SIPA1L1: variants seen among roughly 807,000 people sequenced by gnomAD.
SIPA1L1 encodes signal-induced proliferation-associated 1-like protein 1.
SIPA1L1 carries 26 observed loss-of-function variants against 162.7 expected under a neutral mutation model. That is an observed-to-expected ratio of 0.16 (90% CI 0.12 to 0.22). SIPA1L1 has a LOEUF of 0.22. SIPA1L1 is among the 10% of genes least tolerant of loss of function. SIPA1L1 has a pLI of 1.00. For synonymous variants in SIPA1L1, 829 were observed against 837.4 expected (o/e 0.99, Z 0.17); for missense variants, 1,874 against 2,241.0 (o/e 0.84, Z 3.31).
intron 4 of SIPA1L1, among the ~76,000 whole-genome samples, chr14:71,557,120 C>A (rs1412819840): frequency 6.6e-6 from 1 of 152,206 alleles, no homozygotes; most frequent in South Asian, 2.1e-4. Context: ...ATTAATACTT[C>A]TTTTCCCATT....
chr14:71,499,644 A>G (rs1213899757), intron 2 of SIPA1L1, among the ~76,000 whole-genome samples: 1 of 152,184 alleles, frequency 6.6e-6, no homozygotes, highest in African/African-American at 2.4e-5. Context: ...TAGCAATAGA[A>G]ATTAGCAAAA....
chr14:71,357,994 A>G (rs1004593920), intron 2 of SIPA1L1, among the ~76,000 whole-genome samples: 1 of 152,150 alleles, frequency 6.6e-6, no homozygotes, highest in Non-Finnish European at 1.5e-5. Flanking sequence ...GGCCTCCCAA[A>G]GTACTGGGCC....
intron 7 of SIPA1L1, among the ~76,000 whole-genome samples, chr14:71,645,179 C>T (rs980757725): frequency 1.1e-4 from 16 of 152,310 alleles, no homozygotes; most frequent in African/African-American, 3.8e-4. Flanking sequence ...ATTGTCTTTT[C>T]TCTTTTGTCT....
chr14:71,734,902 T>G (rs1370755646), intron 21 of SIPA1L1, among the ~76,000 whole-genome samples: 1 of 152,198 alleles, frequency 6.6e-6, no homozygotes, highest in African/African-American at 2.4e-5. Context: ...AAAACATACT[T>G]CAAGAAGTTT....
At position 71,705,356 on chromosome 14, in the gene SIPA1L1, A is replaced by G; in HGVS notation, c.3765+16A>G. ...ACAAGGGCATGTAAGTTAACTGTAAACTTAAAAAAGTATTAGATTCCTAGC... is the reference window on the plus strand; with the variant it reads ...ACAAGGGCATGTAAGTTAACTGTAAGCTTAAAAAAGTATTAGATTCCTAGC... On this transcript the variant is annotated intron_variant, in intron 16 of 23. Coordinates refer to ENST00000381232, the MANE Select transcript of SIPA1L1 (RefSeq NM_001386936.1). The G allele has an allele frequency of 1.9e-6, 3 of 1,571,208 alleles. No homozygotes were observed. The South Asian group carries it at 3.3e-5, about 17-fold the overall frequency.
At chr14:71,693,498 CA>C (rs553158199) in intron 13 of SIPA1L1, among the ~76,000 whole-genome samples, 217 of 145,308 alleles carry the variant, frequency 1.5e-3, no homozygotes, top group Non-Finnish European at 2.6e-3. Context: ...GACTCCGTCT[CA>C]AAAAAAAAAG....
intron 7 of SIPA1L1, among the ~76,000 whole-genome samples, chr14:71,646,095 A>G (rs998188789): frequency 3.9e-5 from 6 of 152,144 alleles, no homozygotes; most frequent in Non-Finnish European, 8.8e-5. Context: ...TTCTTCTGGT[A>G]CAGGGCTGTG....
chr14:71,486,313 A>G (rs1468531223), intron 2 of SIPA1L1, among the ~76,000 whole-genome samples: 1 of 152,258 alleles, frequency 6.6e-6, no homozygotes, highest in Non-Finnish European at 1.5e-5. Flanking sequence ...GTTTCTATCA[A>G]GTCATCAGGA....
chr14:71,662,733 T>G (rs948193827), intron 10 of SIPA1L1, among the ~76,000 whole-genome samples: 1 of 152,210 alleles, frequency 6.6e-6, no homozygotes. Flanking sequence ...GTCTGTAGTT[T>G]CCTAGGGTTG....
intron 12 of SIPA1L1, among the ~76,000 whole-genome samples, chr14:71,675,091 A>G (rs906047468): frequency 2.0e-5 from 3 of 152,224 alleles, no homozygotes; most frequent in African/African-American, 7.2e-5. Flanking sequence ...TCTATGGTGC[A>G]GATACTCCCA....
At chr14:71,446,760 G>A (rs973867506) in intron 2 of SIPA1L1, among the ~76,000 whole-genome samples, 9 of 151,884 alleles carry the variant, frequency 5.9e-5, no homozygotes, top group Admixed American at 2.0e-4. Flanking sequence ...TTCTGTTGCA[G>A]TCCCAAATTC....
intron 4 of SIPA1L1, among the ~76,000 whole-genome samples, chr14:71,544,206 C>T (rs1191320179): frequency 7.0e-6 from 1 of 143,154 alleles, no homozygotes; most frequent in East Asian, 2.0e-4. Context: ...TGCATGTATG[C>T]ACATGCATGT....
chr14:71,337,229 C>T (rs956771211), intron 2 of SIPA1L1, among the ~76,000 whole-genome samples: 3 of 152,210 alleles, frequency 2.0e-5, no homozygotes, highest in African/African-American at 7.2e-5. Flanking sequence ...CTGTCCTCTT[C>T]CGTCCTATTC....
chr14:71,553,295 C>G (rs1015542932), intron 4 of SIPA1L1, among the ~76,000 whole-genome samples: 2 of 152,160 alleles, frequency 1.3e-5, no homozygotes, highest in African/African-American at 4.8e-5. Flanking sequence ...TTCTATAATT[C>G]CACAGTACAC....
chr14:71,698,095 A>G (rs899376553), intron 13 of SIPA1L1, among the ~76,000 whole-genome samples: 1 of 152,224 alleles, frequency 6.6e-6, no homozygotes, highest in Non-Finnish European at 1.5e-5. Flanking sequence ...CTCCCCTGCT[A>G]CAAGTAGTCG....
chr14:71,414,441 AT>A (rs745744606), intron 2 of SIPA1L1, among the ~76,000 whole-genome samples: 4 of 152,196 alleles, frequency 2.6e-5, no homozygotes, highest in African/African-American at 7.2e-5. Flanking sequence ...CAGAATTTTG[AT>A]TTATCAAATG....
chr14:71,346,429 T>G (rs1422745892), intron 2 of SIPA1L1, among the ~76,000 whole-genome samples: 1 of 152,212 alleles, frequency 6.6e-6, no homozygotes. Flanking sequence ...TTCATCCTGA[T>G]GGAAGTTGTG....
chr14:71,651,947 G>A (rs1253709720), intron 8 of SIPA1L1, among the ~76,000 whole-genome samples: 1 of 152,106 alleles, frequency 6.6e-6, no homozygotes, highest in Admixed American at 6.5e-5. Flanking sequence ...ATGTAGTTTT[G>A]GAATTATATA....
chr14:71,451,995 TA>T, intron 2 of SIPA1L1, among the ~76,000 whole-genome samples: 1 of 152,302 alleles, frequency 6.6e-6, no homozygotes. Flanking sequence ...TTTGCTTATA[TA>T]AAATATATAA....
Sources: allele counts gnomAD v4.1 joint callset (sites outside exome capture counted in the v4.1 genomes callset), GRCh38; gene constraint gnomAD v4.1.1; transcripts MANE v1.5; gene names NCBI Gene and HGNC (gene_info 2026-07-23, HGNC 2026-07-21).